The following PPP1R1C variants were observed in gnomAD, a reference collection of about 807,000 sequenced individuals.
PPP1R1C encodes protein phosphatase 1 regulatory subunit 1C.
PPP1R1C carries 15 observed loss-of-function variants against 17.4 expected under a neutral mutation model. The ratio of observed to expected loss-of-function variants is 0.86; its 90% CI spans 0.58 to 1.33. The LOEUF is 1.33. PPP1R1C is among the 40% of genes most tolerant of loss of function. The pLI is 0.00. For missense variants in PPP1R1C, 143 were observed against 130.0 expected, an observed-to-expected ratio of 1.10 and a Z score of -0.48; for synonymous variants, 35 against 43.1, an observed-to-expected ratio of 0.81 and a Z score of 0.73.
At chr2:182,050,606 C>G (rs1304002761) in intron 2 of PPP1R1C, among the ~76,000 whole-genome samples, 1 of 152,172 alleles carries the variant, frequency 6.6e-6, no homozygotes, top group East Asian at 1.9e-4. Context: ...TAGTGTCACA[C>G]TGTAGCAATA....
intron 2 of PPP1R1C, among the ~76,000 whole-genome samples, chr2:182,037,984 T>C (rs897930143): frequency 1.3e-5 from 2 of 152,058 alleles, no homozygotes; most frequent in African/African-American, 4.8e-5. Flanking sequence ...GGAGAATAAT[T>C]GGGTTATAAT....
Position 182,085,780 on chromosome 2 carries a change from C to T in PPP1R1C, c.241+21989C>T, listed in dbSNP as rs944536087. 1.8e-4 allele frequency among the ~76,000 whole-genome samples: 28 copies of T among 152,050 alleles called. 1 individual carries two copies. The highest frequency in any genetic ancestry group is 4.1e-4 in the African/African-American group (17 of 41,402). ...GAAGAAATGACACTGCAACATGCCACGGGGGAAACTTGTAAAATGGGGCGG... is the reference window on the plus strand; with the variant it reads ...GAAGAAATGACACTGCAACATGCCATGGGGGAAACTTGTAAAATGGGGCGG... On this transcript the variant is annotated intron_variant, in intron 4 of 4. Transcript: ENST00000682840.
chr2:181,995,434 T>A (rs1179860681), intron 2 of PPP1R1C, among the ~76,000 whole-genome samples: 1 of 152,204 alleles, frequency 6.6e-6, no homozygotes, highest in Non-Finnish European at 1.5e-5. Flanking sequence ...GTAGTTGGGC[T>A]CATGTGTCAT....
At chr2:182,048,228 G>T (rs906693219) in intron 2 of PPP1R1C, among the ~76,000 whole-genome samples, 1 of 152,068 alleles carries the variant, frequency 6.6e-6, no homozygotes, top group Non-Finnish European at 1.5e-5. Flanking sequence ...GGTGGTTTCA[G>T]TTTGGGCCCC....
At chr2:182,052,457 A>G (rs575766034) in intron 2 of PPP1R1C, among the ~76,000 whole-genome samples, 1 of 152,302 alleles carries the variant, frequency 6.6e-6, no homozygotes, top group South Asian at 2.1e-4. Flanking sequence ...TTGATAAGTG[A>G]AATAATCAAG....
rs542420991 is a variant in PPP1R1C, at chr2:182,123,320, C to T, written c.*7-5654C>T. Among the ~76,000 whole-genome samples the T allele has an allele frequency of 1.8e-3, 276 of 152,210 alleles. 1 individual carries two copies. Among genetic ancestry groups the T allele is most frequent in the African/African-American group, 6.3e-3 (261 of 41,526 alleles). On this transcript the variant is annotated intron_variant, in intron 5 of 5. Coordinates refer to the PPP1R1C transcript ENST00000280295. ...TAGTGCCACAATAAACATACGTGTGCGTGTGTCTTTATAGTAGAATGATTT... is the reference window on the plus strand; with the variant it reads ...TAGTGCCACAATAAACATACGTGTGTGTGTGTCTTTATAGTAGAATGATTT...
chr2:182,046,461 C>T lies in PPP1R1C; in HGVS notation c.143-14981C>T, dbSNP rs139959536. Among the ~76,000 whole-genome samples the T allele has an allele frequency of 2.6e-3, 390 of 152,054 alleles. 1 individual carries two copies. The highest frequency in any genetic ancestry group is 8.9e-3 in the African/African-American group (370 of 41,470). ...AACTAGCAATTCAAAGGCGAAGTGG[C>T]TCATGCCTGTAATCCCAGCACTTTG... On this transcript the variant is annotated intron_variant, in intron 2 of 4. Transcript: ENST00000682840.
At chr2:182,054,752 C>T (rs947584620) in intron 2 of PPP1R1C, among the ~76,000 whole-genome samples, 4 of 152,134 alleles carry the variant, frequency 2.6e-5, no homozygotes, top group African/African-American at 9.7e-5. Context: ...CCTCTGCCTC[C>T]TGGGTTCAAG....
chr2:182,009,692 A>G (rs576390905), intron 2 of PPP1R1C, among the ~76,000 whole-genome samples: 1 of 152,122 alleles, frequency 6.6e-6, no homozygotes, highest in African/African-American at 2.4e-5. Context: ...CATTCAAGAA[A>G]TATTTGCTAA....
At chr2:181,990,741 C>A (rs1685452461) in intron 2 of PPP1R1C, among the ~76,000 whole-genome samples, 1 of 152,156 alleles carries the variant, frequency 6.6e-6, no homozygotes. Context: ...TATCAAACAA[C>A]AAAACAAATA....
At chr2:182,061,555 A>T (rs1687851620) in intron 3 of PPP1R1C, 76 bp downstream of exon 3, 1 of 780,134 alleles carries the variant, frequency 1.3e-6, no homozygotes, top group Non-Finnish European at 1.9e-6. Context: ...ATTTGATGTG[A>T]TATAAATAAT....
chr2:181,957,224 G>A lies in PPP1R1C; in HGVS notation n.111+2590G>A, dbSNP rs1201296128. On this transcript the variant is annotated intron_variant and non_coding_transcript_variant, in intron 1 of 5. Coordinates refer to the PPP1R1C transcript ENST00000464264. This position sits in a 1 kb window ranked among gnomAD's most constrained non-coding sequence, Gnocchi z 4.2. ...AAAATACAAAAATTAGCCAGGCATG[G>A]TAGTGCACCCCTGTAATCCCAGCTA... Among the ~76,000 whole-genome samples the A allele has an allele frequency of 2.0e-5, 3 of 152,166 alleles. No individual in the cohort carries two copies. Among genetic ancestry groups the A allele is most frequent in the South Asian group, 4.1e-4 (2 of 4,828 alleles).
At chr2:182,002,556 T>C (rs1018244851) in intron 2 of PPP1R1C, among the ~76,000 whole-genome samples, 1 of 152,166 alleles carries the variant, frequency 6.6e-6, no homozygotes, top group East Asian at 1.9e-4. Context: ...ATGAGCAAGA[T>C]TCCTTGGGCT....
At chr2:182,034,593 C>T (rs1686946632) in intron 2 of PPP1R1C, among the ~76,000 whole-genome samples, 1 of 152,114 alleles carries the variant, frequency 6.6e-6, no homozygotes, top group Non-Finnish European at 1.5e-5. Flanking sequence ...CTTTTAAGGG[C>T]AGGACTGGTT....
chr2:182,095,254 G>A (rs1285639356), intron 4 of PPP1R1C, among the ~76,000 whole-genome samples: 4 of 152,072 alleles, frequency 2.6e-5, no homozygotes, highest in Middle Eastern at 3.4e-3. Flanking sequence ...AGCTGAGATC[G>A]TGCCACTGTA....
At chr2:182,035,738 G>A (rs555796657) in intron 2 of PPP1R1C, among the ~76,000 whole-genome samples, 6 of 152,116 alleles carry the variant, frequency 3.9e-5, no homozygotes, top group Non-Finnish European at 7.4e-5. Flanking sequence ...TAAGTTTCCC[G>A]AGGCCTCCTC....
At chr2:182,013,939 C>A (rs769684916) in intron 2 of PPP1R1C, among the ~76,000 whole-genome samples, 163 of 152,240 alleles carry the variant, frequency 1.1e-3, no homozygotes, top group Non-Finnish European at 1.9e-3. Context: ...AATTCCTTTT[C>A]TGTGTTATCT....
intron 2 of PPP1R1C, among the ~76,000 whole-genome samples, chr2:182,007,994 G>A (rs982028481): frequency 6.6e-6 from 1 of 152,158 alleles, no homozygotes; most frequent in Non-Finnish European, 1.5e-5. Context: ...CGTGAACCTA[G>A]GAGGTGGAGC....
At chr2:182,041,309 T>C (rs1687174790) in intron 2 of PPP1R1C, among the ~76,000 whole-genome samples, 2 of 152,158 alleles carry the variant, frequency 1.3e-5, no homozygotes, top group Admixed American at 6.6e-5. Context: ...AGCACTTCTC[T>C]TACTAAAAAT....
Sources: allele counts gnomAD v4.1 joint callset (sites outside exome capture counted in the v4.1 genomes callset), GRCh38; gene constraint gnomAD v4.1.1; non-coding constraint Gnocchi (gnomAD v3.1); transcripts MANE v1.5; gene names NCBI Gene and HGNC (gene_info 2026-07-23, HGNC 2026-07-21).